Variants in PCDHGA11 observed in about 807,000 individuals in gnomAD.
The protein encoded by PCDHGA11 is protocadherin gamma subfamily A, 11.
PCDHGA11 carries 39 observed loss-of-function variants against 60.4 expected under a neutral mutation model. That is an observed-to-expected ratio of 0.65 (90% CI 0.50 to 0.84). PCDHGA11 has a LOEUF of 0.84. Among genes scored for constraint, PCDHGA11 ranks in the 40% least tolerant of loss-of-function variants. The pLI, the probability that PCDHGA11 is intolerant of heterozygous loss-of-function variation, is 0.00. For missense variants in PCDHGA11, 1,165 were observed against 1,197.7 expected, an observed-to-expected ratio of 0.97 and a Z score of 0.40; for synonymous variants, 533 against 510.3, an observed-to-expected ratio of 1.04 and a Z score of -0.60.
chr5:141,482,995 G>A (rs1395482427), intron 1 of PCDHGA11, among the ~76,000 whole-genome samples: 1 of 152,048 alleles, frequency 6.6e-6, no homozygotes, highest in Non-Finnish European at 1.5e-5. Flanking sequence ...CGAGGCAGGA[G>A]AATTGCTTGA....
intron 1 of PCDHGA11, among the ~76,000 whole-genome samples, chr5:141,457,343 T>C (rs1372992422): frequency 6.6e-6 from 1 of 152,240 alleles, no homozygotes; most frequent in African/African-American, 2.4e-5. Flanking sequence ...TTACTTACTT[T>C]CATTACCTGG....
At chr5:141,433,691 G>A (rs2097644575) in intron 1 of PCDHGA11, among the ~76,000 whole-genome samples, 1 of 152,044 alleles carries the variant, frequency 6.6e-6, no homozygotes, top group Non-Finnish European at 1.5e-5. Flanking sequence ...TACAAAATTA[G>A]CCGGGCGTGG....
At position 141,431,391 on chromosome 5, in the gene PCDHGA11, T is replaced by C; in HGVS notation, c.2433+7731T>C. Reference sequence around the variant, plus strand: ...GAAGAAAAGGCTGCTCACCACCTGGTCCTTACGGCCTCCGACGGGGGCGAC... The same window carrying C: ...GAAGAAAAGGCTGCTCACCACCTGGCCCTTACGGCCTCCGACGGGGGCGAC... On this transcript the variant is annotated intron_variant, in intron 1 of 3. Transcript: ENST00000398587. The surrounding 1 kb of genome is among the most constrained non-coding windows in gnomAD (Gnocchi z 4.8). 1 of 1,613,852 alleles carries C rather than the reference T, an allele frequency of 6.2e-7. No homozygotes were observed.
rs572603287 is a variant in PCDHGA11 at position 141,477,037 on chromosome 5, G to T, written c.2434-17770G>T. 19 of 1,614,266 alleles carry T rather than the reference G, an allele frequency of 1.2e-5. No homozygotes were observed. In the East Asian group the frequency reaches 3.8e-4, roughly 32 times the overall value. Reference sequence around the variant, plus strand: ...TTGTAACCGGGATGCTGACAATCAAGGGTCGGCTGGACTTCGAGGACACCA... The same window carrying T: ...TTGTAACCGGGATGCTGACAATCAATGGTCGGCTGGACTTCGAGGACACCA... On this transcript the variant is annotated intron_variant, in intron 1 of 3. Transcript: ENST00000398587. The surrounding 1 kb of genome is among the most constrained non-coding windows in gnomAD (Gnocchi z 4.9).
chr5:141,493,021 G>C lies in PCDHGA11; in HGVS notation c.2434-1786G>C, dbSNP rs1261539371. On this transcript the variant is annotated intron_variant, in intron 1 of 3. Transcript: ENST00000398587. This position sits in a 1 kb window ranked among gnomAD's most constrained non-coding sequence, Gnocchi z 4.3. ...AGCTATAGGCTCTGCCAGATGCCAG[G>C]GTGCCCTTATGTGTGAGGAAACTAC... Among the ~76,000 whole-genome samples, 1 of 152,180 alleles carries C rather than the reference G, an allele frequency of 6.6e-6. No individual in the cohort carries two copies. The highest frequency in any genetic ancestry group is 6.5e-5 in the Admixed American group (1 of 15,284).
In PCDHGA11 at chr5:141,422,075, G is replaced by A. The variant is rs1192481253; in HGVS notation, c.848G>A (p.Arg283Gln). The A allele has an allele frequency of 1.9e-6, 3 of 1,612,092 alleles. No individual in the cohort carries two copies. The highest frequency in any genetic ancestry group is 2.2e-5 in the East Asian group (1 of 44,874). The change falls in exon 1 of 4, where the codon CGG (arginine) becomes CAG (glutamine). Residue 283 changes from arginine (R) to glutamine (Q), a missense_variant. Coordinates refer to ENST00000398587, the MANE Select transcript of PCDHGA11 (RefSeq NM_018914.3). The part of the protein sequence containing the change: ...GINGEVMYSF[R>Q]NMESKASEIF... ...AACGGGGAAGTAATGTATTCATTTC[G>A]GAACATGGAAAGCAAGGCTTCTGAA...
chr5:141,490,033 A>C lies in PCDHGA11; in HGVS notation c.2434-4774A>C, dbSNP rs200482631. The C allele has an allele frequency of 4.0e-5, 65 of 1,614,116 alleles. No homozygotes were observed. Among genetic ancestry groups the C allele is most frequent in the Non-Finnish European group, 4.1e-5 (48 of 1,180,040 alleles). On this transcript the variant is annotated intron_variant, in intron 1 of 3. Transcript: ENST00000398587. This position sits in a 1 kb window ranked among gnomAD's most constrained non-coding sequence, Gnocchi z 5.4. ...CATTGGTACTCTGCTGCTCCGCCTC[A>C]ATGCCACTGATCCAGACGAGGGCAC...
rs758417744 is a variant in PCDHGA11, at chr5:141,430,916, G to A, written c.2433+7256G>A. On this transcript the variant is annotated intron_variant, in intron 1 of 3. Coordinates refer to ENST00000398587, the MANE Select transcript of PCDHGA11 (RefSeq NM_018914.3). ...GGTGGGCGACATCTCCAGGGACCTG[G>A]GGCTGGAGCCCCGGGAGCTCGCGGA... The A allele has an allele frequency of 1.9e-6, 3 of 1,607,878 alleles. No individual in the cohort carries two copies. The East Asian group carries it at 6.7e-5, about 36-fold the overall frequency.
At chr5:141,430,628 C>A in intron 1 of PCDHGA11, 2 of 798,952 alleles carry the variant, frequency 2.5e-6, no homozygotes, top group Non-Finnish European at 3.7e-6. Context: ...TAGGAATGAA[C>A]CATCCCTGGG....
intron 2 of PCDHGA11, among the ~76,000 whole-genome samples, chr5:141,501,166 C>T (rs1443045812): frequency 6.6e-6 from 1 of 152,154 alleles, no homozygotes; most frequent in African/African-American, 2.4e-5. Flanking sequence ...CATCCCCAGC[C>T]TCATTTACAT....
chr5:141,421,986 AG>A lies in PCDHGA11; in HGVS notation c.760del (p.Glu254LysfsTer10). On this transcript the variant is annotated frameshift_variant, in exon 1 of 4. Coordinates refer to ENST00000398587, the MANE Select transcript of PCDHGA11 (RefSeq NM_018914.3). LOFTEE classifies it high-confidence loss of function. Reference protein sequence around the residue: ...TQSVYRVSVPENISSGTRVLM... With the variant: ...TQSVYRVSVPXNISSGTRVLM... ...AGTCCGTATATCGCGTGAGTGTTCCAGAAAACATCAGCTCCGGAACTCGGGT... is the reference window on the plus strand; with the variant it reads ...AGTCCGTATATCGCGTGAGTGTTCCAAAAACATCAGCTCCGGAACTCGGGT... 1.2e-6 allele frequency: 2 copies of A among 1,609,004 alleles called. No homozygotes were observed. The highest frequency in any genetic ancestry group is 1.7e-6 in the Non-Finnish European group (2 of 1,177,722).
intron 1 of PCDHGA11, among the ~76,000 whole-genome samples, chr5:141,451,429 G>A (rs577699188): frequency 1.3e-3 from 195 of 152,306 alleles, no homozygotes; most frequent in African/African-American, 4.5e-3. Flanking sequence ...TAGACTAAGG[G>A]TTCCAGTTCC....
rs2097368013 is a variant in PCDHGA11 at position 141,431,382 on chromosome 5, A to G, written c.2433+7722A>G. 6 of 1,613,756 alleles carry G rather than the reference A, an allele frequency of 3.7e-6. No homozygotes were observed. In the East Asian group the frequency reaches 1.1e-4, roughly 30 times the overall value. On this transcript the variant is annotated intron_variant, in intron 1 of 3. Transcript: ENST00000398587. This position sits in a 1 kb window ranked among gnomAD's most constrained non-coding sequence, Gnocchi z 4.8. ...CTGGACCGCGAAGAAAAGGCTGCTC[A>G]CCACCTGGTCCTTACGGCCTCCGAC... is the stretch of plus-strand genomic sequence containing the variant.
Position 141,476,380 on chromosome 5 carries a change from G to C in PCDHGA11, c.2434-18427G>C. 1 of 1,614,154 alleles carries C rather than the reference G, an allele frequency of 6.2e-7. No homozygotes were observed. The highest frequency in any genetic ancestry group is 8.5e-7 in the Non-Finnish European group (1 of 1,180,042). On this transcript the variant is annotated intron_variant, in intron 1 of 3. Coordinates refer to ENST00000398587, the MANE Select transcript of PCDHGA11 (RefSeq NM_018914.3). The surrounding 1 kb of genome is among the most constrained non-coding windows in gnomAD (Gnocchi z 7.6). ...ACCGGGAGACCGGAGAGATGTTTGT[G>C]AACGACCGTCTGGATCGAGAGGAGC... is the stretch of plus-strand genomic sequence containing the variant.
Position 141,493,689 on chromosome 5 carries a change from C to A in PCDHGA11, c.2434-1118C>A, listed in dbSNP as rs2099749557. The stretch of plus-strand genomic sequence containing the variant: ...GGCAGCCCCAGAATGGTGCTGGTGA[C>A]TCCCGATACACCTGGAATGCTAGGT... On this transcript the variant is annotated intron_variant, in intron 1 of 3. Transcript: ENST00000398587. The surrounding 1 kb of genome is among the most constrained non-coding windows in gnomAD (Gnocchi z 4.3). Among the ~76,000 whole-genome samples the A allele has an allele frequency of 6.6e-6, 1 of 152,218 alleles. No homozygotes were observed. The highest frequency in any genetic ancestry group is 2.4e-5 in the African/African-American group (1 of 41,450).
Position 141,485,392 on chromosome 5 carries a change from A to G in PCDHGA11, c.2434-9415A>G. ...AGGTCGCTGGAGAGGTGAACCAAAG[A>G]CACTTCCGTGTGGATTTGGACAGCG... On this transcript the variant is annotated intron_variant, in intron 1 of 3. Coordinates refer to ENST00000398587, the MANE Select transcript of PCDHGA11 (RefSeq NM_018914.3). This position sits in a 1 kb window ranked among gnomAD's most constrained non-coding sequence, Gnocchi z 5.7. 1 of 1,613,918 alleles carries G rather than the reference A, an allele frequency of 6.2e-7. No homozygotes were observed. The highest frequency in any genetic ancestry group is 8.5e-7 in the Non-Finnish European group (1 of 1,179,938).
At chr5:141,500,221 TTTA>T (rs1428029040) in intron 2 of PCDHGA11, among the ~76,000 whole-genome samples, 2 of 151,002 alleles carry the variant, frequency 1.3e-5, no homozygotes, top group Non-Finnish European at 2.9e-5. Flanking sequence ...TATTTATTTA[TTTA>T]TTGATACGTA....
At position 141,431,376 on chromosome 5, in the gene PCDHGA11, C is replaced by T. The variant is rs558222633; in HGVS notation, c.2433+7716C>T. The T allele has an allele frequency of 1.2e-6, 2 of 1,613,436 alleles. No homozygotes were observed. Among genetic ancestry groups the T allele is most frequent in the African/African-American group, 2.7e-5 (2 of 75,070 alleles). On this transcript the variant is annotated intron_variant, in intron 1 of 3. Coordinates refer to ENST00000398587, the MANE Select transcript of PCDHGA11 (RefSeq NM_018914.3). The surrounding 1 kb of genome is among the most constrained non-coding windows in gnomAD (Gnocchi z 4.8). Reference sequence around the variant, plus strand: ...CGCGCCCTGGACCGCGAAGAAAAGGCTGCTCACCACCTGGTCCTTACGGCC... The same window carrying T: ...CGCGCCCTGGACCGCGAAGAAAAGGTTGCTCACCACCTGGTCCTTACGGCC...
At chr5:141,426,714 C>T (rs779529448) in intron 1 of PCDHGA11, 2 of 444,724 alleles carry the variant, frequency 4.5e-6, no homozygotes, top group South Asian at 3.1e-5. Flanking sequence ...AATCAATGAA[C>T]TAGCAATTCC....
Sources: gnomAD v4.1 joint callset for allele counts (sites outside exome capture counted in the v4.1 genomes callset) on GRCh38, gnomAD v4.1.1 for gene constraint, Gnocchi (gnomAD v3.1) non-coding constraint, MANE v1.5 for transcripts, NCBI Gene and HGNC (gene_info 2026-07-23, HGNC 2026-07-21) for gene names.